Variants in NSUN6 observed in about 807,000 individuals in gnomAD.
NSUN6 encodes the protein NOP2/Sun RNA methyltransferase 6.
Under a neutral mutation model 58.0 loss-of-function variants are expected in NSUN6, and 64 were observed. The observed-to-expected ratio is 1.10, with a 90% confidence interval of 0.90 to 1.36. The LOEUF is 1.36. Ranked by LOEUF, NSUN6 falls within the 40% of genes most tolerant of loss-of-function variation. The probability of loss-of-function intolerance (pLI) is 0.00; values close to 1 mark genes in which losing one functional copy is unlikely to be tolerated. For synonymous variants in NSUN6, 231 were observed against 193.9 expected, an observed-to-expected ratio of 1.19 and a Z score of -1.59; for missense variants, 701 against 550.1, an observed-to-expected ratio of 1.27 and a Z score of -2.74.
At chr10:18,648,419 G>T in intron 2 of NSUN6, 71 bp downstream of exon 2, 1 of 959,808 alleles carries the variant, frequency 1.0e-6, no homozygotes, top group South Asian at 1.5e-5. Context: ...ATCATTCATA[G>T]GATTTTAATG....
At chr10:18,567,325 T>C (rs368059591) in intron 8 of NSUN6, among the ~76,000 whole-genome samples, 110 of 151,310 alleles carry the variant, frequency 7.3e-4, no homozygotes, top group African/African-American at 2.6e-3. Context: ...TATTCACCAA[T>C]GCATTCCATT....
chr10:18,657,614 A>G (rs1021901599), upstream of NSUN6, among the ~76,000 whole-genome samples: 4 of 149,132 alleles, frequency 2.7e-5, no homozygotes, highest in African/African-American at 1.0e-4. Context: ...TCTTTATTTT[A>G]TTTTTATTTT....
At chr10:18,655,262 A>G (rs1590216215), upstream of NSUN6, 5 of 431,810 alleles carry the variant, frequency 1.2e-5, no homozygotes, top group Middle Eastern at 1.2e-3. Context: ...TGGGCAATCT[A>G]TATCTTTGAC....
At chr10:18,547,325 T>C (rs1264264490) in intron 10 of NSUN6, among the ~76,000 whole-genome samples, 2 of 152,358 alleles carry the variant, frequency 1.3e-5, no homozygotes, top group East Asian at 3.9e-4. Flanking sequence ...TTTAGGTATA[T>C]ATTTTGAGTG....
chr10:18,601,634 G>C (rs564662059), intron 6 of NSUN6, among the ~76,000 whole-genome samples: 1 of 152,260 alleles, frequency 6.6e-6, no homozygotes, highest in South Asian at 2.1e-4. Context: ...TTGGGGTGAA[G>C]AAACACTTTA....
In NSUN6 at chr10:18,551,944, A is replaced by T; in HGVS notation, c.950T>A (p.Phe317Tyr). 2 of 1,607,366 alleles carry T rather than the reference A, an allele frequency of 1.2e-6. No homozygotes were observed. Among genetic ancestry groups the T allele is most frequent in the African/African-American group, 2.7e-5 (2 of 74,902 alleles). Residue 317 changes from phenylalanine to tyrosine, a missense_variant, in exon 9 of 11, where the codon TTT becomes TAT. Coordinates refer to ENST00000377304, the MANE Select transcript of NSUN6 (RefSeq NM_182543.5). ...EGEPPFLPES[F>Y]DRILLDAPCS... ...GGGTGCATCCAGAAGAATTCGGTCA[A>T]AGGATTCTGGTAGAAATGGAGGTTC... is the stretch of plus-strand genomic sequence containing the variant.
In NSUN6 at chr10:18,546,990, T is replaced by A. The variant is rs550618180; in HGVS notation, c.1198-845A>T. Among the ~76,000 whole-genome samples the A allele has an allele frequency of 1.5e-4, 23 of 152,004 alleles. No homozygotes were observed. In the South Asian group the frequency reaches 4.8e-3, roughly 32 times the overall value. On this transcript the variant is annotated intron_variant, in intron 10 of 10. Transcript: ENST00000377304. ...AGAAAAAAGAAAGCAACAGAAAAAA[T>A]TCAGCTTTATTTAACAGTTTCCAAA...
chr10:18,634,485 C>T (rs2059144384), intron 3 of NSUN6, among the ~76,000 whole-genome samples: 1 of 152,076 alleles, frequency 6.6e-6, no homozygotes, highest in Non-Finnish European at 1.5e-5. Context: ...GGCCTGGTGG[C>T]TCACGCCTAT....
chr10:18,629,314 A>G (rs2058944034), intron 3 of NSUN6, among the ~76,000 whole-genome samples: 1 of 152,198 alleles, frequency 6.6e-6, no homozygotes, highest in Non-Finnish European at 1.5e-5. Flanking sequence ...CAAAATGTAA[A>G]GACCATCAAG....
chr10:18,550,215 T>C (rs2054517157), intron 9 of NSUN6, among the ~76,000 whole-genome samples: 3 of 152,222 alleles, frequency 2.0e-5, no homozygotes, highest in Non-Finnish European at 2.9e-5. Flanking sequence ...TACAGAAGTA[T>C]CCTAATTTTA....
intron 8 of NSUN6, among the ~76,000 whole-genome samples, chr10:18,571,917 A>T (rs968245727): frequency 6.9e-6 from 1 of 145,028 alleles, no homozygotes; most frequent in African/African-American, 2.6e-5. Context: ...TCTCCATTCC[A>T]TTCCCCTTTC....
chr10:18,600,782 A>G (rs2057773813), intron 6 of NSUN6, among the ~76,000 whole-genome samples: 1 of 150,760 alleles, frequency 6.6e-6, no homozygotes, highest in Non-Finnish European at 1.5e-5. Flanking sequence ...ACAAAAATTA[A>G]TTGGGTTTGG....
At chr10:18,639,766 A>T (rs2059336677) in intron 3 of NSUN6, among the ~76,000 whole-genome samples, 1 of 152,252 alleles carries the variant, frequency 6.6e-6, no homozygotes, top group Non-Finnish European at 1.5e-5. Context: ...AAATCATCCA[A>T]ATATTTTAGA....
At chr10:18,656,982 A>G (rs1357023274), upstream of NSUN6, among the ~76,000 whole-genome samples, 1 of 152,032 alleles carries the variant, frequency 6.6e-6, no homozygotes, top group African/African-American at 2.4e-5. Flanking sequence ...GTGCACCACC[A>G]TGTCCAGCTA....
intron 6 of NSUN6, among the ~76,000 whole-genome samples, chr10:18,600,959 T>TATATATATATATATATATATAA: frequency 1.5e-5 from 1 of 64,960 alleles, no homozygotes; most frequent in Non-Finnish European, 3.1e-5. Context: ...TATATATATA[T>TATATATATATATATATATATAA]ACATATATAT....
intron 3 of NSUN6, among the ~76,000 whole-genome samples, chr10:18,626,776 GA>G (rs5783617): frequency 8.6e-5 from 13 of 151,068 alleles, no homozygotes; most frequent in South Asian, 2.1e-4. Context: ...CTGGGTGGGG[GA>G]AAAAAAAAGA....
intron 8 of NSUN6, among the ~76,000 whole-genome samples, chr10:18,574,044 C>T (rs2056527647): frequency 6.6e-6 from 1 of 152,038 alleles, no homozygotes; most frequent in South Asian, 2.1e-4. Flanking sequence ...GCCTTACTCT[C>T]CCCAGAAAAG....
intron 5 of NSUN6, among the ~76,000 whole-genome samples, chr10:18,611,202 T>TA (rs142146397): frequency 6.6e-6 from 1 of 151,754 alleles, no homozygotes; most frequent in African/African-American, 2.4e-5. Flanking sequence ...ATAAAATTTT[T>TA]AAAAAAATTT....
chr10:18,546,154 A>C lies in NSUN6; in HGVS notation c.1198-9T>G. On this transcript the variant is annotated splice_polypyrimidine_tract_variant and intron_variant, in intron 10 of 10. Coordinates refer to ENST00000377304, the MANE Select transcript of NSUN6 (RefSeq NM_182543.5). ...CCTCCAATCTGCGGTTCCTGTTTGG[A>C]GAAAGTGGATCAATATGGATGAACA... 1.3e-6 allele frequency: 2 copies of C among 1,587,594 alleles called. No homozygotes were observed. Among genetic ancestry groups the C allele is most frequent in the Non-Finnish European group, 1.7e-6 (2 of 1,155,804 alleles).
Sources: gnomAD v4.1 joint callset for allele counts (sites outside exome capture counted in the v4.1 genomes callset) on GRCh38, gnomAD v4.1.1 for gene constraint, MANE v1.5 for transcripts, NCBI Gene and HGNC (gene_info 2026-07-23, HGNC 2026-07-21) for gene names.